The following ZNF395 variants were observed in gnomAD, a reference collection of about 807,000 sequenced individuals.
ZNF395 encodes the protein zinc finger protein 395.
In ZNF395, 20 loss-of-function variants were observed where a neutral mutation model predicts 57.7. The ratio of observed to expected loss-of-function variants is 0.35; its 90% CI spans 0.24 to 0.50. The LOEUF is 0.50. ZNF395 is among the 20% of genes least tolerant of loss of function. ZNF395 has a pLI of 0.97. For missense variants in ZNF395, 606 were observed against 671.2 expected, an observed-to-expected ratio of 0.90 and a Z score of 1.07; for synonymous variants, 295 against 275.9, an observed-to-expected ratio of 1.07 and a Z score of -0.69.
chr8:28,350,490 G>A (rs872395), intron 7 of ZNF395, among the ~76,000 whole-genome samples: 16 of 152,170 alleles, frequency 1.1e-4, no homozygotes, highest in Non-Finnish European at 1.9e-4. Context: ...CGTGCCAAAA[G>A]AGGCCCCAAG....
rs756367928 is a variant in ZNF395 at position 28,352,408 on chromosome 8, T to C, written c.920+165A>G. 9.9e-5 allele frequency among the ~76,000 whole-genome samples: 15 copies of C among 152,104 alleles called. No homozygotes were observed. Among genetic ancestry groups the C allele is most frequent in the Non-Finnish European group, 1.8e-4 (12 of 68,008 alleles). ...GCTCCCTTCCCATCAACAGCAACAA[T>C]GTTCACCAGGATGTCTTTCTCAGGG... On this transcript the variant is annotated intron_variant, in intron 6 of 9. Transcript: ENST00000344423. The surrounding 1 kb of genome is among the most constrained non-coding windows in gnomAD (Gnocchi z 4.0).
chr8:28,377,923 A>C (rs142150962), intron 1 of ZNF395, among the ~76,000 whole-genome samples: 1 of 151,510 alleles, frequency 6.6e-6, no homozygotes, highest in Non-Finnish European at 1.5e-5. Context: ...ACGCCCAGCT[A>C]ATTTTTGTAT....
chr8:28,382,759 C>T (rs1019647955), intron 1 of ZNF395, among the ~76,000 whole-genome samples: 2 of 152,156 alleles, frequency 1.3e-5, no homozygotes, highest in Admixed American at 1.3e-4. Flanking sequence ...CTTCAAACAG[C>T]TTAATAAATA....
intron 7 of ZNF395, 110 bp from the exon 8 acceptor site, chr8:28,350,266 T>C: frequency 1.1e-6 from 1 of 895,602 alleles, no homozygotes; most frequent in South Asian, 1.6e-5. Flanking sequence ...TCTGCGTAAG[T>C]GCAATGACCA....
Position 28,359,547 on chromosome 8 carries a change from C to T in ZNF395, c.473+45G>A, listed in dbSNP as rs547382838. On this transcript the variant is annotated intron_variant, in intron 3 of 9. Coordinates refer to ENST00000344423, the MANE Select transcript of ZNF395 (RefSeq NM_018660.3). This position sits in a 1 kb window ranked among gnomAD's most constrained non-coding sequence, Gnocchi z 4.7. Reference sequence around the variant, plus strand: ...ACACAGCCCACACCCTTACACCACACTACCCACGTGACTTTTAAAACCCAG... The same window carrying T: ...ACACAGCCCACACCCTTACACCACATTACCCACGTGACTTTTAAAACCCAG... 3.2e-6 allele frequency: 5 copies of T among 1,546,062 alleles called. No individual in the cohort carries two copies. In the African/African-American group the frequency reaches 5.4e-5, roughly 17 times the overall value.
chr8:28,373,485 C>T (rs1802000880), intron 1 of ZNF395, among the ~76,000 whole-genome samples: 1 of 151,450 alleles, frequency 6.6e-6, no homozygotes, highest in African/African-American at 2.5e-5. Context: ...CTTCCAAACG[C>T]CTCACGCTTT....
chr8:28,371,482 A>C (rs1801975686), intron 1 of ZNF395, among the ~76,000 whole-genome samples: 1 of 152,178 alleles, frequency 6.6e-6, no homozygotes, highest in South Asian at 2.1e-4. Context: ...GACCCAGACA[A>C]GCTATGCTCT....
intron 1 of ZNF395, among the ~76,000 whole-genome samples, chr8:28,377,748 CTTTTTTTT>C (rs71549661): frequency 5.0e-5 from 5 of 100,634 alleles, no homozygotes; most frequent in Non-Finnish European, 7.4e-5. Flanking sequence ...GATGATCCCA[CTTTTTTTT>C]TTTTTTTTTT....
chr8:28,348,572 C>CT lies in ZNF395; in HGVS notation c.*146dup, dbSNP rs1403147992. ...ATGTTCGCACAATGGGAGAAAATTG[C>CT]TTTAAGTGTTACACCTTAGCCAACA... On this transcript the variant is annotated 3_prime_UTR_variant, in exon 10 of 10. Transcript: ENST00000344423. The CT allele has an allele frequency of 1.7e-5, 11 of 666,172 alleles. No individual in the cohort carries two copies. The highest frequency in any genetic ancestry group is 2.9e-5 in the Non-Finnish European group (11 of 376,032). The allele number at this position is 666,172 out of a possible 1,614,324, so 41.3% of individuals were successfully genotyped here. A position where few individuals can be genotyped will look rare whatever the true frequency, so the allele number is the denominator to read the frequency against.
chr8:28,354,365 A>G (rs1002918126), intron 4 of ZNF395, among the ~76,000 whole-genome samples: 55 of 152,192 alleles, frequency 3.6e-4, no homozygotes, highest in African/African-American at 1.3e-3. Context: ...ACCAAGAGAG[A>G]GGGAAAAAAG....
Position 28,356,711 on chromosome 8 carries a change from G to C in ZNF395, c.542C>G (p.Pro181Arg), listed in dbSNP as rs1404596376. The change falls in exon 4 of 10, where the codon CCT becomes CGT. Residue 181 changes from proline (P) to arginine (R), a missense_variant. Physicochemically the swap from Pro to Arg is moderately radical, Grantham distance 103. Around this residue, in one of 3 missense-constraint regions of ZNF395, gnomAD observed 309 missense variants for 374.7 expected, o/e 0.82. Transcript: ENST00000344423. The surrounding 1 kb of genome is among the most constrained non-coding windows in gnomAD (Gnocchi z 4.0). ...AMVLTSLSCS[P>R]VVQSPPGTEA... Reference sequence around the variant, plus strand: ...GGTCCCGGGAGGACTCTGTACAACAGGGCTGCAGGACAGGGACGTCAGCAC... The same window carrying C: ...GGTCCCGGGAGGACTCTGTACAACACGGCTGCAGGACAGGGACGTCAGCAC... 6.2e-7 allele frequency: 1 copy of C among 1,614,214 alleles called. No homozygotes were observed. Among genetic ancestry groups the C allele is most frequent in the Admixed American group, 1.7e-5 (1 of 60,028 alleles).
intron 4 of ZNF395, among the ~76,000 whole-genome samples, chr8:28,355,361 T>C (rs1343419468): frequency 1.3e-5 from 2 of 152,106 alleles, no homozygotes; most frequent in Non-Finnish European, 2.9e-5. Flanking sequence ...TTCAAGATAA[T>C]TAGGCCAAGG....
At position 28,347,881 on chromosome 8, in the gene ZNF395, G is replaced by C. The variant is rs975783147; in HGVS notation, c.*838C>G. 1 of 152,192 alleles carries C rather than the reference G, an allele frequency of 6.6e-6. No individual in the cohort carries two copies. The highest frequency in any genetic ancestry group is 1.9e-4 in the East Asian group (1 of 5,200). 9.4% of individuals were successfully genotyped at this position (152,192 alleles called of 1,614,324 possible). A position where few individuals can be genotyped will look rare whatever the true frequency, so the allele number is the denominator to read the frequency against. ...GGCGGCGTCAGGAGGGTGCTTCCTC[G>C]GGTCAGAGCAGAGAGTTTCCAGACG... On this transcript the variant is annotated 3_prime_UTR_variant, in exon 10 of 10. Transcript: ENST00000344423.
At chr8:28,380,490 A>G (rs911285455) in intron 1 of ZNF395, among the ~76,000 whole-genome samples, 7 of 152,198 alleles carry the variant, frequency 4.6e-5, no homozygotes, top group African/African-American at 1.7e-4. Flanking sequence ...TGTTGAACAG[A>G]TCAAGGCCAA....
rs1801596131 is a variant in ZNF395 at position 28,346,062 on chromosome 8, T to G, written c.*2657A>C. 1 of 152,202 alleles carries G rather than the reference T, an allele frequency of 6.6e-6. No homozygotes were observed. Among genetic ancestry groups the G allele is most frequent in the Non-Finnish European group, 1.5e-5 (1 of 68,034 alleles). The allele number at this position is 152,202 out of a possible 1,614,324, so 9.4% of individuals were successfully genotyped here. ...CACAGACGTCATTCGCTGGACTCCCTGGGCACTAAATGAGTGTCTAGCATC... is the reference window on the plus strand; with the variant it reads ...CACAGACGTCATTCGCTGGACTCCCGGGGCACTAAATGAGTGTCTAGCATC... On this transcript the variant is annotated 3_prime_UTR_variant, in exon 10 of 10. Transcript: ENST00000344423.
At position 28,361,060 on chromosome 8, in the gene ZNF395, G is replaced by A; in HGVS notation, c.65C>T (p.Pro22Leu). The change falls in exon 2 of 10, where the codon CCC becomes CTC. Residue 22 changes from proline to leucine, a missense_variant. Transcript: ENST00000344423. The stretch of plus-strand genomic sequence containing the variant: ...AGCCGAGGGCCCCTCCGAGGCACTG[G>A]GTCCCAACACCCGGGCTCCCAGGAG... ...RSLLGARVLG[P>L]SASEGPSAAP... is the part of the protein sequence containing the mutation. The A allele has an allele frequency of 6.2e-7, 1 of 1,612,206 alleles. No individual in the cohort carries two copies. The highest frequency in any genetic ancestry group is 1.3e-5 in the African/African-American group (1 of 75,012).
chr8:28,353,137 C>T lies in ZNF395; in HGVS notation c.819+36G>A, dbSNP rs201787778. The stretch of plus-strand genomic sequence containing the variant: ...TGTCCCCACACAGACATCATCCGCT[C>T]CAGCCTGGGCTCCCACTCACACCAC... On this transcript the variant is annotated intron_variant, in intron 5 of 9. Transcript: ENST00000344423. The T allele has an allele frequency of 3.9e-4, 633 of 1,603,952 alleles. 2 individuals carry two copies. Among genetic ancestry groups the T allele is most frequent in the African/African-American group, 7.9e-4 (59 of 74,908 alleles).
intron 1 of ZNF395, chr8:28,386,189 C>A (rs2130009427): frequency 6.7e-6 from 1 of 150,096 alleles, no homozygotes; most frequent in Admixed American, 6.6e-5. Context: ...CCGGCCTGCC[C>A]TCCTCCCCGG....
At position 28,348,459 on chromosome 8, in the gene ZNF395, G is replaced by A. The variant is rs1223638594; in HGVS notation, c.*260C>T. ...GAGGGTAATTAATTCTTTGGTCACT[G>A]GTTCACTGCTGAATAGCCTTGGTCA... On this transcript the variant is annotated 3_prime_UTR_variant, in exon 10 of 10. Transcript: ENST00000344423. 1 of 436,142 alleles carries A rather than the reference G, an allele frequency of 2.3e-6. No homozygotes were observed. Among genetic ancestry groups the A allele is most frequent in the Non-Finnish European group, 4.3e-6 (1 of 234,566 alleles). 27.0% of individuals were successfully genotyped at this position (436,142 alleles called of 1,614,324 possible).
Sources: gnomAD v4.1 joint callset for allele counts (sites outside exome capture counted in the v4.1 genomes callset) on GRCh38, gnomAD v4.1.1 for gene constraint, gnomAD v4.1.1 regional missense constraint, Gnocchi (gnomAD v3.1) non-coding constraint, MANE v1.5 for transcripts, NCBI Gene and HGNC (gene_info 2026-07-23, HGNC 2026-07-21) for gene names.